TMEM178A: variants seen among roughly 807,000 people sequenced by gnomAD.
TMEM178A encodes the protein transmembrane protein 178A.
TMEM178A carries 12 observed loss-of-function variants against 29.1 expected under a neutral mutation model. That is an observed-to-expected ratio of 0.41 (90% confidence interval 0.26 to 0.67). TMEM178A has a LOEUF of 0.67. Among genes scored for constraint, TMEM178A ranks in the 30% least tolerant of loss-of-function variants. The pLI is 0.29. For synonymous variants in TMEM178A, 210 were observed against 187.2 expected (o/e 1.12, Z -0.99); for missense variants, 366 against 419.1 (o/e 0.87, Z 1.11).
chr2:39,708,820 T>C (rs1044852691), intron 3 of TMEM178A, among the ~76,000 whole-genome samples: 3 of 152,172 alleles, frequency 2.0e-5, no homozygotes, highest in Non-Finnish European at 4.4e-5. Context: ...TGCCAGGTGC[T>C]GAGTTGATGG....
intron 3 of TMEM178A, among the ~76,000 whole-genome samples, chr2:39,711,113 C>T (rs1486744632): frequency 6.6e-6 from 1 of 152,180 alleles, no homozygotes; most frequent in African/African-American, 2.4e-5. Context: ...GGATGTCACA[C>T]CCTCTGAGGT....
intron 1 of TMEM178A, among the ~76,000 whole-genome samples, chr2:39,689,236 A>T (rs765191926): frequency 6.6e-6 from 1 of 152,228 alleles, no homozygotes; most frequent in Non-Finnish European, 1.5e-5. Flanking sequence ...TAAAATGTGC[A>T]GCCTTTCTCC....
intron 1 of TMEM178A, among the ~76,000 whole-genome samples, chr2:39,675,531 T>G (rs1432423704): frequency 6.6e-6 from 1 of 152,204 alleles, no homozygotes; most frequent in Admixed American, 6.5e-5. Flanking sequence ...CAGATGATTC[T>G]GCGGTATTAT....
At chr2:39,676,161 G>C (rs570785160) in intron 1 of TMEM178A, among the ~76,000 whole-genome samples, 48 of 152,332 alleles carry the variant, frequency 3.2e-4, no homozygotes, top group Non-Finnish European at 1.0e-4. Flanking sequence ...AGTTGATAAA[G>C]TGCTTGATAA....
upstream of TMEM178A, chr2:39,665,824 G>A: frequency 1.4e-6 from 1 of 722,894 alleles, no homozygotes; most frequent in Non-Finnish European, 2.0e-6. Context: ...GGAGCGAGCC[G>A]GGCCGGGCTC....
intron 1 of TMEM178A, 54 bp from the exon 2 acceptor site, chr2:39,704,027 G>C: frequency 6.6e-7 from 1 of 1,518,362 alleles, no homozygotes; most frequent in Non-Finnish European, 9.1e-7. Flanking sequence ...TCAGGTCTCA[G>C]AATTCTGTTA....
intron 1 of TMEM178A, among the ~76,000 whole-genome samples, chr2:39,681,935 G>A (rs1187380785): frequency 6.6e-6 from 1 of 152,140 alleles, no homozygotes; most frequent in African/African-American, 2.4e-5. Context: ...AGAGGGAGAG[G>A]AATAGGAACC....
chr2:39,733,874 C>T, the TMEM178A span, among the ~76,000 whole-genome samples: 6 of 152,270 alleles, frequency 3.9e-5, no homozygotes, highest in African/African-American at 1.4e-4. Context: ...ATGCTCCTGT[C>T]TAAAGCTAAT....
chr2:39,692,191 C>T (rs1000852696), intron 1 of TMEM178A, among the ~76,000 whole-genome samples: 12 of 152,044 alleles, frequency 7.9e-5, no homozygotes, highest in Non-Finnish European at 1.6e-4. Flanking sequence ...AAGATGGATG[C>T]TGGTCAAGGA....
At chr2:39,714,269 C>T (rs543272374) in intron 3 of TMEM178A, among the ~76,000 whole-genome samples, 80 of 152,124 alleles carry the variant, frequency 5.3e-4, no homozygotes, top group African/African-American at 1.9e-3. Context: ...GCTGATAGGC[C>T]TCCTCTCCAC....
At chr2:39,681,637 T>G (rs1670874273) in intron 1 of TMEM178A, among the ~76,000 whole-genome samples, 1 of 152,156 alleles carries the variant, frequency 6.6e-6, no homozygotes, top group Admixed American at 6.5e-5. Context: ...TTTGTTTCAT[T>G]CTACTAGCAG....
chr2:39,725,527 C>T, the TMEM178A span, among the ~76,000 whole-genome samples: 3 of 152,160 alleles, frequency 2.0e-5, no homozygotes, highest in African/African-American at 7.2e-5. Context: ...TGGATTTGGT[C>T]AATGCGGGGG....
chr2:39,719,836 C>A (rs115126976), downstream of TMEM178A, among the ~76,000 whole-genome samples: 4,317 of 152,066 alleles, frequency 0.028, 84 homozygotes, highest in South Asian at 0.038. Flanking sequence ...CCTCGATAAT[C>A]GAGATTTCCC....
intron 1 of TMEM178A, among the ~76,000 whole-genome samples, chr2:39,684,386 T>C (rs2148070691): frequency 6.6e-6 from 1 of 152,360 alleles, no homozygotes; most frequent in Middle Eastern, 3.4e-3. Context: ...GTTAGTTATA[T>C]AAACCTGTTA....
the TMEM178A span, among the ~76,000 whole-genome samples, chr2:39,723,681 C>G: frequency 6.6e-6 from 1 of 152,158 alleles, no homozygotes; most frequent in African/African-American, 2.4e-5. Flanking sequence ...TATCTTGTTA[C>G]TATTTGCCCC....
Position 39,717,057 on chromosome 2 carries a change from T to C in TMEM178A, c.700T>C (p.Tyr234His). The change falls in exon 4 of 4, where the codon TAT (tyrosine) becomes CAT (histidine). Residue 234 changes from tyrosine (Y) to histidine (H), a missense_variant. Coordinates refer to ENST00000281961, the MANE Select transcript of TMEM178A (RefSeq NM_152390.3). ...SLCTYAASIS[Y>H]DLNRLPKLIY... ...CTGTACTTATGCCGCCAGTATCTCG[T>C]ATGATTTGAACCGGCTCCCAAAGCT... 1 of 1,611,002 alleles carries C rather than the reference T, an allele frequency of 6.2e-7. No homozygotes were observed. The highest frequency in any genetic ancestry group is 8.5e-7 in the Non-Finnish European group (1 of 1,179,602).
At chr2:39,677,417 C>G (rs564141289) in intron 1 of TMEM178A, among the ~76,000 whole-genome samples, 1 of 152,080 alleles carries the variant, frequency 6.6e-6, no homozygotes, top group African/African-American at 2.4e-5. Context: ...TAACTTTGAA[C>G]AAGAAAATTA....
chr2:39,696,148 G>C (rs1671532976), intron 1 of TMEM178A, among the ~76,000 whole-genome samples: 1 of 152,172 alleles, frequency 6.6e-6, no homozygotes, highest in Admixed American at 6.5e-5. Context: ...GTGGCATGCA[G>C]GGTAGGTTGA....
At chr2:39,699,540 T>C (rs1671690383) in intron 1 of TMEM178A, among the ~76,000 whole-genome samples, 1 of 151,728 alleles carries the variant, frequency 6.6e-6, no homozygotes, top group Non-Finnish European at 1.5e-5. Flanking sequence ...CACTGCAGCC[T>C]ACATCTCCTG....
Sources: allele counts gnomAD v4.1 joint callset (sites outside exome capture counted in the v4.1 genomes callset), GRCh38; gene constraint gnomAD v4.1.1; transcripts MANE v1.5; gene names NCBI Gene and HGNC (gene_info 2026-07-23, HGNC 2026-07-21).